Variants in POLD3 observed in about 807,000 individuals in gnomAD.
The protein encoded by POLD3 is DNA polymerase delta subunit 3.
A neutral mutation model predicts 58.2 loss-of-function variants in POLD3; 19 were observed. The ratio of observed to expected loss-of-function variants is 0.33; its 90% CI spans 0.23 to 0.48. The LOEUF is 0.48. Among genes scored for constraint, POLD3 ranks in the 20% least tolerant of loss-of-function variants. POLD3 has a pLI of 0.99. For synonymous variants in POLD3, 172 were observed against 193.5 expected, an observed-to-expected ratio of 0.89 and a Z score of 0.92; for missense variants, 504 against 545.5, an observed-to-expected ratio of 0.92 and a Z score of 0.76.
At chr11:74,601,022 A>G (rs1053884348) in intron 2 of POLD3, among the ~76,000 whole-genome samples, 19 of 152,150 alleles carry the variant, frequency 1.2e-4, no homozygotes, top group Non-Finnish European at 2.5e-4. Flanking sequence ...CCCAGCCACA[A>G]GAATTGTTTT....
chr11:74,654,098 G>A (rs1054282000), intron 4 of POLD3, among the ~76,000 whole-genome samples: 1 of 152,130 alleles, frequency 6.6e-6, no homozygotes. Context: ...CCCCCCAGAT[G>A]ACTCAAACAC....
At chr11:74,652,356 A>G (rs2033077552) in intron 4 of POLD3, among the ~76,000 whole-genome samples, 1 of 152,238 alleles carries the variant, frequency 6.6e-6, no homozygotes, top group African/African-American at 2.4e-5. Context: ...TATACATTTT[A>G]AGAAACTTTT....
intron 8 of POLD3, among the ~76,000 whole-genome samples, chr11:74,628,408 G>A (rs764199710): frequency 3.2e-4 from 49 of 151,934 alleles, no homozygotes; most frequent in Non-Finnish European, 5.7e-4. Flanking sequence ...TCTAGTTCAA[G>A]GTAGAAAGGA....
At chr11:74,601,783 T>TA (rs1466332136) in intron 2 of POLD3, among the ~76,000 whole-genome samples, 1 of 151,762 alleles carries the variant, frequency 6.6e-6, no homozygotes, top group Admixed American at 6.6e-5. Context: ...CTCTATCTCT[T>TA]AAAAAAAAGA....
intron 4 of POLD3, among the ~76,000 whole-genome samples, chr11:74,648,969 G>C (rs1334207868): frequency 2.0e-5 from 3 of 152,190 alleles, no homozygotes; most frequent in African/African-American, 7.2e-5. Flanking sequence ...TATTAGGAGT[G>C]ACTTCAAATG....
Position 74,642,886 on chromosome 11 carries a change from G to GT in POLD3, c.*2127dup, listed in dbSNP as rs374156599. 2 of 984,844 alleles carry GT rather than the reference G, an allele frequency of 2.0e-6. No homozygotes were observed. The highest frequency in any genetic ancestry group is 2.4e-6 in the Non-Finnish European group (2 of 829,634). The allele number at this position is 984,844 out of a possible 1,614,324, so 61.0% of individuals were successfully genotyped here. On this transcript the variant is annotated 3_prime_UTR_variant, in exon 12 of 12. Transcript: ENST00000263681. ...GAACAAGTTATTTGCTGCCTTCATC[G>GT]TTTTTTTCAGCACTGGGGAAATGTT...
chr11:74,625,988 A>G (rs932834888), intron 8 of POLD3, among the ~76,000 whole-genome samples: 7 of 151,888 alleles, frequency 4.6e-5, no homozygotes, highest in Middle Eastern at 3.4e-3. Context: ...TTTTATATCA[A>G]TGAGTTTATT....
At chr11:74,653,521 A>C (rs11236187) in intron 4 of POLD3, among the ~76,000 whole-genome samples, 59,867 of 152,086 alleles carry the variant, frequency 0.39, 13,440 homozygotes, top group Non-Finnish European at 0.51. Flanking sequence ...TGTAAACCTG[A>C]GAGCAACCAC....
chr11:74,597,181 A>G (rs76914150), intron 2 of POLD3, among the ~76,000 whole-genome samples: 1,903 of 152,350 alleles, frequency 0.012, 19 homozygotes, highest in Non-Finnish European at 0.022. Context: ...ACCGTTTTAC[A>G]TAATGGCTGT....
At chr11:74,625,702 A>C (rs996932461) in intron 8 of POLD3, 129 bp downstream of exon 8, 18 of 647,500 alleles carry the variant, frequency 2.8e-5, no homozygotes, top group Middle Eastern at 2.6e-4. Flanking sequence ...GGATACAACT[A>C]TACAACCAAA....
chr11:74,608,816 T>C (rs557465350), intron 3 of POLD3, among the ~76,000 whole-genome samples: 1 of 152,334 alleles, frequency 6.6e-6, no homozygotes, highest in South Asian at 2.1e-4. Flanking sequence ...AGCTCTGTAA[T>C]TTTTAGTGTG....
At chr11:74,634,406 A>G (rs2032684889) in intron 9 of POLD3, among the ~76,000 whole-genome samples, 177 bp from the exon 10 acceptor site, 1 of 152,216 alleles carries the variant, frequency 6.6e-6, no homozygotes, top group Non-Finnish European at 1.5e-5. Flanking sequence ...ATTTGTATAA[A>G]ATTAATAAAA....
intron 11 of POLD3, among the ~76,000 whole-genome samples, chr11:74,638,136 G>A (rs1363715288): frequency 6.6e-6 from 1 of 152,052 alleles, no homozygotes; most frequent in Admixed American, 6.5e-5. Flanking sequence ...AACCAGGTTT[G>A]TTTGCCTTTT....
At chr11:74,644,454 T>G (rs1421538837), downstream of POLD3, among the ~76,000 whole-genome samples, 1 of 152,230 alleles carries the variant, frequency 6.6e-6, no homozygotes, top group Non-Finnish European at 1.5e-5. Flanking sequence ...GCTGTCACCA[T>G]GCCCTCTCTG....
chr11:74,641,806 TC>T lies in POLD3; in HGVS notation c.*1043del. ...ATGTTGCTCCTTTGTATTTTTAGCT[TC>T]CCTATTTGCTTAAAAGTACAGGCTC... is the stretch of plus-strand genomic sequence containing the variant. On this transcript the variant is annotated 3_prime_UTR_variant, in exon 12 of 12. Transcript: ENST00000263681. 1.0e-6 allele frequency: 1 copy of T among 985,050 alleles called. No individual in the cohort carries two copies. The highest frequency in any genetic ancestry group is 1.2e-6 in the Non-Finnish European group (1 of 829,586). 61.0% of individuals were successfully genotyped at this position (985,050 alleles called of 1,614,324 possible).
chr11:74,636,312 A>G (rs768837598), intron 11 of POLD3, 37 bp downstream of exon 11: 7 of 1,601,494 alleles, frequency 4.4e-6, no homozygotes, highest in South Asian at 1.1e-5. Context: ...CAGAGATAGA[A>G]TCTCTTATTA....
At chr11:74,613,451 A>G (rs1161141839) in intron 5 of POLD3, among the ~76,000 whole-genome samples, 1 of 151,848 alleles carries the variant, frequency 6.6e-6, no homozygotes, top group African/African-American at 2.4e-5. Context: ...AATCTTTTGT[A>G]TCCTTAACAG....
chr11:74,629,004 A>G (rs992246547), intron 8 of POLD3: 1 of 381,408 alleles, frequency 2.6e-6, no homozygotes, highest in African/African-American at 2.1e-5. Context: ...AGAGAACTCT[A>G]GAACTTTTTT....
chr11:74,656,378 G>A (rs1296580139), intron 4 of POLD3, among the ~76,000 whole-genome samples: 5 of 152,158 alleles, frequency 3.3e-5, no homozygotes, highest in African/African-American at 1.2e-4. Flanking sequence ...CACGAGATCA[G>A]AAGTTTGAGA....
Sources: allele counts gnomAD v4.1 joint callset (sites outside exome capture counted in the v4.1 genomes callset), GRCh38; gene constraint gnomAD v4.1.1; transcripts MANE v1.5; gene names NCBI Gene and HGNC (gene_info 2026-07-23, HGNC 2026-07-21).